Variants in SPAST observed in about 807,000 individuals in gnomAD.
SPAST encodes the protein spastin.
A neutral mutation model predicts 76.6 loss-of-function variants in SPAST; 30 were observed. The observed-to-expected ratio is 0.39, with a 90% CI of 0.29 to 0.53. The LOEUF (loss-of-function observed/expected upper bound fraction) is 0.53. Ranked by LOEUF, SPAST falls within the 20% of genes least tolerant of loss-of-function variation. SPAST has a pLI of 0.68. For synonymous variants in SPAST, 305 were observed against 281.0 expected (o/e 1.09, Z -0.86); for missense variants, 717 against 770.5 (o/e 0.93, Z 0.82).
intron 4 of SPAST, 131 bp downstream of exon 4, chr2:32,099,022 A>G: frequency 1.4e-6 from 1 of 714,320 alleles, no homozygotes; most frequent in Non-Finnish European, 2.6e-6. Context: ...GGCTGTGTTG[A>G]AAATATAGTA....
At chr2:32,068,545 AAC>A (rs1676618861) in intron 1 of SPAST, among the ~76,000 whole-genome samples, 1 of 151,856 alleles carries the variant, frequency 6.6e-6, no homozygotes, top group Non-Finnish European at 1.5e-5. Flanking sequence ...GCTGTTCTCG[AAC>A]TCCTGGCCTC....
intron 1 of SPAST, among the ~76,000 whole-genome samples, chr2:32,072,188 G>T (rs918725180): frequency 6.7e-6 from 1 of 148,958 alleles, no homozygotes; most frequent in Non-Finnish European, 1.5e-5. Context: ...GACTACAGGC[G>T]CTGGCCACCA....
At chr2:32,110,744 T>C (rs1476285120) in intron 4 of SPAST, among the ~76,000 whole-genome samples, 17 of 140,500 alleles carry the variant, frequency 1.2e-4, no homozygotes, top group Non-Finnish European at 2.3e-4. Flanking sequence ...CACTGTATAG[T>C]ATATATAGTA....
chr2:32,137,281 A>G lies in SPAST; in HGVS notation c.1493+93A>G. 5.8e-6 allele frequency: 6 copies of G among 1,036,500 alleles called. 1 individual carries two copies. In the South Asian group the frequency reaches 7.6e-5, roughly 13 times the overall value. 64.2% of individuals were successfully genotyped at this position (1,036,500 alleles called of 1,614,324 possible). On this transcript the variant is annotated intron_variant, in intron 12 of 16. Transcript: ENST00000315285. ...ATATTATTTCCTTACTCTCAGTTTT[A>G]AGACTAAATTCACTATTTTCTTCCA...
intron 7 of SPAST, 64 bp downstream of exon 7, chr2:32,116,276 G>A (rs1431065837): frequency 7.1e-6 from 7 of 987,160 alleles, no homozygotes; most frequent in East Asian, 2.4e-5. Context: ...AGTAGTAGTA[G>A]TAGTAAAGAA....
At chr2:32,074,499 C>CT (rs1004848578) in intron 1 of SPAST, among the ~76,000 whole-genome samples, 133 of 144,648 alleles carry the variant, frequency 9.2e-4, no homozygotes, top group Middle Eastern at 3.6e-3. Context: ...TCTTTCTCAG[C>CT]TTTTTTTTTT....
intron 4 of SPAST, among the ~76,000 whole-genome samples, chr2:32,102,235 C>T (rs1327980268): frequency 6.6e-6 from 1 of 151,714 alleles, no homozygotes; most frequent in African/African-American, 2.4e-5. Flanking sequence ...CTCTTTGAAG[C>T]AATTGTGAAT....
rs766574119 is a variant in SPAST, at chr2:32,143,423, AT to A, written c.1616+11del. On this transcript the variant is annotated intron_variant, in intron 14 of 16. Transcript: ENST00000315285. ...ACTAGCACAACTTGCTAGGTGAGTA[AT>A]TTGGATTTGGTTTATCTTACAGCTT... The A allele has an allele frequency of 1.9e-6, 3 of 1,556,596 alleles. No homozygotes were observed. In the South Asian group the frequency reaches 3.4e-5, roughly 17 times the overall value.
intron 1 of SPAST, among the ~76,000 whole-genome samples, chr2:32,065,101 C>A (rs541149354): frequency 6.6e-6 from 1 of 151,776 alleles, no homozygotes; most frequent in African/African-American, 2.4e-5. Flanking sequence ...CTCACTGCAA[C>A]CTCCGACTCC....
At chr2:32,123,387 C>G (rs1253295201) in intron 7 of SPAST, among the ~76,000 whole-genome samples, 1 of 152,108 alleles carries the variant, frequency 6.6e-6, no homozygotes, top group Non-Finnish European at 1.5e-5. Flanking sequence ...AATCAAAGAT[C>G]TAAGTAAACT....
chr2:32,142,028 A>AAAGTAGCTGTACCATGGAT, intron 13 of SPAST, 82 bp downstream of exon 13: 2 of 1,053,302 alleles, frequency 1.9e-6, no homozygotes, highest in Non-Finnish European at 2.9e-6. Context: ...CTTCCAATCC[A>AAAGTAGCTGTACCATGGAT]TGGTACAGCT....
chr2:32,144,664 T>A lies in SPAST; in HGVS notation c.1617-273T>A, dbSNP rs1679827189. On this transcript the variant is annotated intron_variant, in intron 14 of 16. Transcript: ENST00000315285. ...ACTTTGGGAGGCTGTGGCGGGTGGA[T>A]CACCTGAGGTCAGGAGTTCGAGACC... Among the ~76,000 whole-genome samples, 3 of 152,010 alleles carry A rather than the reference T, an allele frequency of 2.0e-5. No homozygotes were observed. The South Asian group carries it at 6.2e-4, about 32-fold the overall frequency.
At chr2:32,089,488 A>G in intron 2 of SPAST, 34 bp from the exon 3 acceptor site, 1 of 1,147,378 alleles carries the variant, frequency 8.7e-7, no homozygotes, top group Non-Finnish European at 1.3e-6. Flanking sequence ...TTAGTTGGGA[A>G]ATGTAGATAT....
At chr2:32,067,513 A>G (rs1257869424) in intron 1 of SPAST, among the ~76,000 whole-genome samples, 1 of 152,160 alleles carries the variant, frequency 6.6e-6, no homozygotes, top group African/African-American at 2.4e-5. Flanking sequence ...AAGTGGAAGA[A>G]ATAGAATTCA....
At chr2:32,102,014 AGTCATTT>A (rs1221462861) in intron 4 of SPAST, among the ~76,000 whole-genome samples, 7 of 152,194 alleles carry the variant, frequency 4.6e-5, no homozygotes, top group Non-Finnish European at 8.8e-5. Flanking sequence ...CTGTGAAGAA[AGTCATTT>A]GTAGCTTGAT....
At chr2:32,128,346 TG>T in intron 8 of SPAST, 61 bp from the exon 9 acceptor site, 1 of 1,185,014 alleles carries the variant, frequency 8.4e-7, no homozygotes, top group Non-Finnish European at 1.2e-6. Flanking sequence ...TCGGTAAATA[TG>T]GTTATCTTTT....
rs755151658 is a variant in SPAST, at chr2:32,063,957, C to A, written c.126C>A (p.Pro42=). 2 of 1,611,744 alleles carry A rather than the reference C, an allele frequency of 1.2e-6. No individual in the cohort carries two copies. The highest frequency in any genetic ancestry group is 1.7e-6 in the Non-Finnish European group (2 of 1,178,876). The change falls in exon 1 of 17, where the codon CCC becomes CCA. Residue 42 remains proline (P), a synonymous_variant. Coordinates refer to ENST00000315285, the MANE Select transcript of SPAST (RefSeq NM_014946.4). ...CCGCCGCCGGGCCGGCCCCTCCGCCCGAGTCGCCGCATAAGCGGAACCTGT... is the reference window on the plus strand; with the variant it reads ...CCGCCGCCGGGCCGGCCCCTCCGCCAGAGTCGCCGCATAAGCGGAACCTGT... ...APPAAGPAPP[P]ESPHKRNLYY... is the part of the protein sequence containing the mutation.
intron 1 of SPAST, among the ~76,000 whole-genome samples, chr2:32,067,321 C>G (rs2148689255): frequency 6.6e-6 from 1 of 152,198 alleles, no homozygotes; most frequent in South Asian, 2.1e-4. Context: ...CTTGGCCTCC[C>G]AAAGTGCTGG....
intron 14 of SPAST, among the ~76,000 whole-genome samples, chr2:32,144,354 G>C (rs1031619195): frequency 6.6e-6 from 1 of 152,210 alleles, no homozygotes; most frequent in Admixed American, 6.5e-5. Flanking sequence ...GTAGTTTGTA[G>C]ATGTTACCTT....
Sources: allele counts gnomAD v4.1 joint callset (sites outside exome capture counted in the v4.1 genomes callset), GRCh38; gene constraint gnomAD v4.1.1; transcripts MANE v1.5; gene names NCBI Gene and HGNC (gene_info 2026-07-23, HGNC 2026-07-21).